Variants in SULF1 observed in about 807,000 individuals in gnomAD.
The protein encoded by SULF1 is extracellular sulfatase Sulf-1.
In SULF1, 46 loss-of-function variants were observed where a neutral mutation model predicts 110.5. The observed-to-expected ratio is 0.42, with a 90% confidence interval of 0.33 to 0.53. SULF1 has a LOEUF of 0.53. Ranked by LOEUF, SULF1 falls within the 20% of genes least tolerant of loss-of-function variation. The pLI is 0.12. For synonymous variants in SULF1, 371 were observed against 387.1 expected (o/e 0.96, Z 0.49); for missense variants, 941 against 1,094.2 (o/e 0.86, Z 1.98).
At chr8:69,474,481 C>A (rs1809221221) in intron 1 of SULF1, among the ~76,000 whole-genome samples, 2 of 152,184 alleles carry the variant, frequency 1.3e-5, no homozygotes, top group African/African-American at 4.8e-5. Context: ...TCCAGAAATT[C>A]TTGAAACCAG....
chr8:69,572,552 G>A (rs2150737501), intron 5 of SULF1, among the ~76,000 whole-genome samples: 1 of 152,202 alleles, frequency 6.6e-6, no homozygotes, highest in East Asian at 1.9e-4. Flanking sequence ...CTCAAAATTA[G>A]GCACCCACTA....
intron 22 of SULF1, among the ~76,000 whole-genome samples, chr8:69,644,692 C>G (rs921874176): frequency 6.8e-6 from 1 of 147,168 alleles, no homozygotes; most frequent in Non-Finnish European, 1.5e-5. Flanking sequence ...ACCCGGGAGG[C>G]GGAGCTTGCA....
chr8:69,598,028 G>T (rs1343413122), intron 8 of SULF1, among the ~76,000 whole-genome samples: 3 of 150,022 alleles, frequency 2.0e-5, no homozygotes, highest in Non-Finnish European at 4.4e-5. Flanking sequence ...GCTGCATGAA[G>T]AATACGAAAC....
rs566260525 is a variant in SULF1, at chr8:69,529,129, C to A, written c.-134+27161C>A. On this transcript the variant is annotated intron_variant, in intron 3 of 22. Transcript: ENST00000402687. ...GGAAACTGAGATCCGGAAAGTTTAA[C>A]CTGTGCCAGGTGTCACAGCTAGCAA... Among the ~76,000 whole-genome samples, 7 of 152,246 alleles carry A rather than the reference C, an allele frequency of 4.6e-5. No individual in the cohort carries two copies. The South Asian group carries it at 1.5e-3, about 32-fold the overall frequency.
chr8:69,552,485 T>C (rs1204194319), intron 3 of SULF1, among the ~76,000 whole-genome samples: 1 of 152,240 alleles, frequency 6.6e-6, no homozygotes, highest in East Asian at 1.9e-4. Flanking sequence ...TTTTGGAAGA[T>C]TTCTGATTTG....
rs1432141232 is a variant in SULF1 at position 69,616,228 on chromosome 8, A to ATT, written c.1378-4806_1378-4805insTT. ...TGTGTGTGTATATATATATATATAT[A>ATT]TATTTTTTTGAGACGGAGTCTTGCT... is the stretch of plus-strand genomic sequence containing the variant. On this transcript the variant is annotated intron_variant, in intron 13 of 22. Transcript: ENST00000402687. 4.7e-3 allele frequency among the ~76,000 whole-genome samples: 652 copies of ATT among 140,032 alleles called. 15 individuals carry two copies. Among genetic ancestry groups the ATT allele is most frequent in the African/African-American group, 0.016 (582 of 36,766 alleles). The allele number at this position is 140,032 out of a possible 152,430, so 91.9% of individuals were successfully genotyped here. A position where few individuals can be genotyped will look rare whatever the true frequency, so the allele number is the denominator to read the frequency against.
intron 3 of SULF1, among the ~76,000 whole-genome samples, chr8:69,549,716 T>C (rs1371805540): frequency 2.6e-5 from 4 of 152,176 alleles, no homozygotes; most frequent in African/African-American, 9.7e-5. Flanking sequence ...AGCCTGAGAA[T>C]GACTGACTGC....
intron 17 of SULF1, 92 bp downstream of exon 17, chr8:69,627,958 A>G (rs1209723774): frequency 1.0e-6 from 1 of 988,222 alleles, no homozygotes; most frequent in East Asian, 2.4e-5. Flanking sequence ...TCTCTTACCT[A>G]TAGAATGTAT....
chr8:69,630,120 T>TA (rs1315122984), intron 19 of SULF1, among the ~76,000 whole-genome samples: 3 of 152,246 alleles, frequency 2.0e-5, no homozygotes, highest in Non-Finnish European at 4.4e-5. Flanking sequence ...GCAGGGCCCA[T>TA]ACTCTACTTA....
intron 19 of SULF1, 43 bp from the exon 20 acceptor site, chr8:69,638,459 T>C (rs576092113): frequency 9.4e-6 from 15 of 1,596,950 alleles, no homozygotes; most frequent in Non-Finnish European, 1.3e-5. Flanking sequence ...CTAAGGTTTT[T>C]CACTCTTTTT....
chr8:69,529,504 T>C (rs533822692), intron 3 of SULF1, among the ~76,000 whole-genome samples: 1 of 152,354 alleles, frequency 6.6e-6, no homozygotes, highest in South Asian at 2.1e-4. Context: ...TGTAAGAGAC[T>C]TAATAATAAA....
chr8:69,631,951 T>C (rs1810588529), intron 19 of SULF1, among the ~76,000 whole-genome samples: 1 of 152,248 alleles, frequency 6.6e-6, no homozygotes, highest in South Asian at 2.1e-4. Flanking sequence ...TGCTTAACTG[T>C]TGTCCTTTCC....
chr8:69,518,489 AT>A (rs1169330461), intron 3 of SULF1, among the ~76,000 whole-genome samples: 1 of 152,086 alleles, frequency 6.6e-6, no homozygotes, highest in Non-Finnish European at 1.5e-5. Flanking sequence ...GAATGCCTAG[AT>A]TTTGTTTTCT....
At chr8:69,503,055 A>C (rs1490584317) in intron 3 of SULF1, among the ~76,000 whole-genome samples, 2 of 152,010 alleles carry the variant, frequency 1.3e-5, no homozygotes, top group African/African-American at 4.8e-5. Flanking sequence ...AATCACCAAA[A>C]CTTTCATGAA....
At chr8:69,550,167 C>T (rs1814591181) in intron 3 of SULF1, among the ~76,000 whole-genome samples, 1 of 151,450 alleles carries the variant, frequency 6.6e-6, no homozygotes, top group South Asian at 2.1e-4. Flanking sequence ...AATACAAAAA[C>T]AGAACACTTA....
At chr8:69,580,682 A>C (rs372278243) in intron 6 of SULF1, among the ~76,000 whole-genome samples, 1 of 152,140 alleles carries the variant, frequency 6.6e-6, no homozygotes, top group East Asian at 1.9e-4. Flanking sequence ...ATAAAATCAC[A>C]TATGAGTTAA....
At chr8:69,616,361 A>T (rs1809144060) in intron 13 of SULF1, among the ~76,000 whole-genome samples, 1 of 151,832 alleles carries the variant, frequency 6.6e-6, no homozygotes, top group South Asian at 2.1e-4. Flanking sequence ...CTGGGACTAT[A>T]GGCATGCGCC....
intron 1 of SULF1, among the ~76,000 whole-genome samples, chr8:69,481,402 A>AT (rs1459334067): frequency 6.6e-6 from 1 of 152,156 alleles, no homozygotes; most frequent in Non-Finnish European, 1.5e-5. Flanking sequence ...TATGAAAGTT[A>AT]TTTTTTGATC....
intron 22 of SULF1, among the ~76,000 whole-genome samples, chr8:69,653,436 A>G (rs1258573464): frequency 6.6e-6 from 1 of 152,268 alleles, no homozygotes; most frequent in Non-Finnish European, 1.5e-5. Flanking sequence ...ATATTATAAG[A>G]AATGCAAATA....
Sources: allele counts gnomAD v4.1 joint callset (sites outside exome capture counted in the v4.1 genomes callset), GRCh38; gene constraint gnomAD v4.1.1; transcripts MANE v1.5; gene names NCBI Gene and HGNC (gene_info 2026-07-23, HGNC 2026-07-21).